TRPV3: variants seen among roughly 807,000 people sequenced by gnomAD.
TRPV3 encodes transient receptor potential cation channel subfamily V member 3, also known as VRL-3.
TRPV3 carries 88 observed loss-of-function variants against 87.1 expected under a neutral mutation model. That is an observed-to-expected ratio of 1.01 (90% CI 0.85 to 1.21). The LOEUF is 1.21. TRPV3 is among the 50% of genes most tolerant of loss of function. The pLI, the probability that TRPV3 is intolerant of heterozygous loss-of-function variation, is 0.00. For synonymous variants in TRPV3, 438 were observed against 423.3 expected, an observed-to-expected ratio of 1.03 and a Z score of -0.43; for missense variants, 1,054 against 1,030.1, an observed-to-expected ratio of 1.02 and a Z score of -0.32.
rs2074359021 is a variant in TRPV3 at position 3,532,645 on chromosome 17, C to T, written c.1065+12G>A. Reference sequence around the variant, plus strand: ...TCCCGACCTCCTGCCTCCCCACGCCCCATGGCCCCACCTCCGCCTTGCCCA... The same window carrying T: ...TCCCGACCTCCTGCCTCCCCACGCCTCATGGCCCCACCTCCGCCTTGCCCA... On this transcript the variant is annotated intron_variant, in intron 8 of 17. Coordinates refer to ENST00000576742, the MANE Select transcript of TRPV3 (RefSeq NM_145068.4). 3 of 1,613,408 alleles carry T rather than the reference C, an allele frequency of 1.9e-6. No individual in the cohort carries two copies. In the East Asian group the frequency reaches 6.7e-5, roughly 36 times the overall value.
At chr17:3,542,819 C>A in intron 5 of TRPV3, 121 bp from the exon 6 acceptor site, 1 of 1,031,072 alleles carries the variant, frequency 9.7e-7, no homozygotes, top group South Asian at 1.7e-5. Context: ...TCTCCACTCC[C>A]AGACCTTACA....
intron 16 of TRPV3, among the ~76,000 whole-genome samples, chr17:3,515,074 C>T (rs914487025): frequency 4.6e-5 from 7 of 152,076 alleles, no homozygotes; most frequent in Admixed American, 2.6e-4. Context: ...TGAGGAAGCA[C>T]GAAGAGCCTG....
At chr17:3,542,314 T>C (rs1436587878) in intron 6 of TRPV3, among the ~76,000 whole-genome samples, 2 of 152,238 alleles carry the variant, frequency 1.3e-5, no homozygotes, top group East Asian at 1.9e-4. Flanking sequence ...CCAAAAACAA[T>C]GCCTGGCATG....
chr17:3,516,608 C>T, intron 15 of TRPV3, 39 bp from the exon 16 acceptor site: 1 of 1,458,290 alleles, frequency 6.9e-7, no homozygotes, highest in Admixed American at 1.7e-5. Context: ...GGCATCCACA[C>T]TCACAAGCAC....
At chr17:3,527,799 A>G in intron 11 of TRPV3, 3 of 559,754 alleles carry the variant, frequency 5.4e-6, no homozygotes, top group Non-Finnish European at 9.6e-6. Flanking sequence ...GGGAAGGTAG[A>G]TAAATGGCGG....
In TRPV3 at chr17:3,512,501, T is replaced by A. The variant is rs1287146024; in HGVS notation, c.*1416A>T. The A allele has an allele frequency of 6.6e-6, 1 of 152,282 alleles. No homozygotes were observed. Among genetic ancestry groups the A allele is most frequent in the Non-Finnish European group, 1.5e-5 (1 of 68,050 alleles). The allele number at this position is 152,282 out of a possible 1,614,324, so 9.4% of individuals were successfully genotyped here. On this transcript the variant is annotated 3_prime_UTR_variant, in exon 18 of 18. Coordinates refer to ENST00000576742, the MANE Select transcript of TRPV3 (RefSeq NM_145068.4). ...CAGATGAACTTATCTATCGCCATGT[T>A]ATCTGAAGGCCAAATTTCTATTTCT...
At chr17:3,546,126 C>T (rs1031718323) in intron 2 of TRPV3, among the ~76,000 whole-genome samples, 2 of 152,042 alleles carry the variant, frequency 1.3e-5, no homozygotes, top group East Asian at 1.9e-4. Context: ...ATTCATCTTG[C>T]GCTCAGTAAA....
At chr17:3,527,114 G>A (rs910291738) in intron 11 of TRPV3, among the ~76,000 whole-genome samples, 187 bp from the exon 12 acceptor site, 1 of 152,086 alleles carries the variant, frequency 6.6e-6, no homozygotes, top group African/African-American at 2.4e-5. Flanking sequence ...CACGGTGAAG[G>A]TGAACGCTCC....
At chr17:3,524,133 A>C in intron 13 of TRPV3, 65 bp downstream of exon 13, 1 of 1,584,490 alleles carries the variant, frequency 6.3e-7, no homozygotes, top group Admixed American at 1.7e-5. Context: ...TCCAGATCTC[A>C]GTTTCCCCAT....
rs142326624 is a variant in TRPV3, at chr17:3,532,764, T to G, written c.958A>C (p.Met320Leu). The change falls in exon 8 of 18, where the codon ATG (methionine) becomes CTG (leucine). Residue 320 changes from methionine to leucine, a missense_variant. Transcript: ENST00000576742. ...FKTQNDFVKR[M>L]YDMILLRSGN... Reference sequence around the variant, plus strand: ...CTCCGCAGTAGGATCATGTCGTACATGCGCTTCACAAAGTCATTCTGCGTC... The same window carrying G: ...CTCCGCAGTAGGATCATGTCGTACAGGCGCTTCACAAAGTCATTCTGCGTC... The G allele has an allele frequency of 6.2e-7, 1 of 1,614,266 alleles. No individual in the cohort carries two copies. Among genetic ancestry groups the G allele is most frequent in the Non-Finnish European group, 8.5e-7 (1 of 1,180,048 alleles).
intron 6 of TRPV3, among the ~76,000 whole-genome samples, chr17:3,535,938 T>TG (rs149197734): frequency 6.6e-6 from 1 of 152,220 alleles, no homozygotes; most frequent in African/African-American, 2.4e-5. Context: ...CCCCAGGCGC[T>TG]GGGGGTCAGT....
At chr17:3,534,911 C>T (rs1298451223) in intron 7 of TRPV3, among the ~76,000 whole-genome samples, 3 of 152,104 alleles carry the variant, frequency 2.0e-5, no homozygotes, top group Admixed American at 2.0e-4. Flanking sequence ...TCTCTGTTCC[C>T]TCAGAGAGCT....
rs1323220461 is a variant in TRPV3 at position 3,527,085 on chromosome 17, T to G, written c.1504-158A>C. Among the ~76,000 whole-genome samples, 8 of 152,224 alleles carry G rather than the reference T, an allele frequency of 5.3e-5. No homozygotes were observed. The East Asian group carries it at 1.4e-3, about 26-fold the overall frequency. ...GCGGATCTGAAAGGGGACCTGTGCC[T>G]GGGGGGCGTAGGCACCTCCACGGTG... On this transcript the variant is annotated intron_variant, in intron 11 of 17. Coordinates refer to ENST00000576742, the MANE Select transcript of TRPV3 (RefSeq NM_145068.4).
chr17:3,537,216 C>T (rs1417699952), intron 6 of TRPV3, among the ~76,000 whole-genome samples: 1 of 152,050 alleles, frequency 6.6e-6, no homozygotes, highest in Non-Finnish European at 1.5e-5. Context: ...ACCTTGAACT[C>T]CTGGGCTCAA....
chr17:3,545,142 G>A lies in TRPV3; in HGVS notation c.224+25C>T, dbSNP rs759161526. On this transcript the variant is annotated intron_variant, in intron 3 of 17. Coordinates refer to ENST00000576742, the MANE Select transcript of TRPV3 (RefSeq NM_145068.4). ...AGCTGAGGGCTGGGCCCAGGGCAAG[G>A]GGTTGGGCTGGGGCCCGTACTCACC... The A allele has an allele frequency of 6.4e-6, 10 of 1,569,008 alleles. No homozygotes were observed. The South Asian group carries it at 9.0e-5, about 14-fold the overall frequency.
At position 3,544,573 on chromosome 17, in the gene TRPV3, A is replaced by G. The variant is rs1238979406; in HGVS notation, c.311+6T>C. 6.3e-7 allele frequency: 1 copy of G among 1,594,296 alleles called. No homozygotes were observed. The highest frequency in any genetic ancestry group is 8.5e-7 in the Non-Finnish European group (1 of 1,171,120). ...ACAGTGGGTGGAGGGGGAGGGGCAG[A>G]CTTACCTGGGGCTGTTGGGATTGGA... On this transcript the variant is annotated splice_donor_region_variant and intron_variant, in intron 4 of 17. Transcript: ENST00000576742.
Position 3,528,424 on chromosome 17 carries a change from C to CTTAA in TRPV3, c.1402-299_1402-298insTTAA, listed in dbSNP as rs2074319467. Among the ~76,000 whole-genome samples, 2 of 152,220 alleles carry CTTAA rather than the reference C, an allele frequency of 1.3e-5. No individual in the cohort carries two copies. Among genetic ancestry groups the CTTAA allele is most frequent in the Non-Finnish European group, 2.9e-5 (2 of 68,040 alleles). On this transcript the variant is annotated intron_variant, in intron 10 of 17. Coordinates refer to ENST00000576742, the MANE Select transcript of TRPV3 (RefSeq NM_145068.4). The surrounding 1 kb of genome is among the most constrained non-coding windows in gnomAD (Gnocchi z 4.2). ...ATCCATATCCAGGCACTCAACATGG[C>CTTAA]CTCACAGCACCGTTAAATAAAGCCG...
intron 13 of TRPV3, 116 bp downstream of exon 13, chr17:3,524,074 ATTTGGGAG>A (rs2074271450): frequency 1.1e-5 from 14 of 1,278,650 alleles, no homozygotes; most frequent in Non-Finnish European, 1.5e-5. Context: ...AGTGCATGGC[ATTTGGGAG>A]AAAGAGCAGT....
chr17:3,556,013 C>T lies in TRPV3; in HGVS notation c.-2-1161G>A, dbSNP rs977439722. Among the ~76,000 whole-genome samples the T allele has an allele frequency of 2.6e-5, 4 of 151,922 alleles. No homozygotes were observed. Among genetic ancestry groups the T allele is most frequent in the Non-Finnish European group, 5.9e-5 (4 of 67,980 alleles). ...GCAACATGGTGAAACCCCGTCTCTA[C>T]TAAAATACAAAAAATTAGCCGGGCA... On this transcript the variant is annotated intron_variant, in intron 1 of 17. Coordinates refer to ENST00000576742, the MANE Select transcript of TRPV3 (RefSeq NM_145068.4). This position sits in a 1 kb window ranked among gnomAD's most constrained non-coding sequence, Gnocchi z 4.2.
Sources: gnomAD v4.1 joint callset for allele counts (sites outside exome capture counted in the v4.1 genomes callset) on GRCh38, gnomAD v4.1.1 for gene constraint, Gnocchi (gnomAD v3.1) non-coding constraint, MANE v1.5 for transcripts, NCBI Gene and HGNC (gene_info 2026-07-23, HGNC 2026-07-21) for gene names.